Variants in DZIP1L observed in about 807,000 individuals in gnomAD.
DZIP1L encodes the protein cilium assembly protein DZIP1L.
A neutral mutation model predicts 88.7 loss-of-function variants in DZIP1L; 90 were observed. That is an observed-to-expected ratio of 1.02 (90% CI 0.86 to 1.21). The LOEUF (loss-of-function observed/expected upper bound fraction) is 1.21. Ranked by LOEUF, DZIP1L falls within the 50% of genes most tolerant of loss-of-function variation. The probability of loss-of-function intolerance (pLI) is 0.00; values close to 1 mark genes in which losing one functional copy is unlikely to be tolerated. For synonymous variants in DZIP1L, 363 were observed against 372.1 expected, an observed-to-expected ratio of 0.98 and a Z score of 0.28; for missense variants, 932 against 955.8, an observed-to-expected ratio of 0.98 and a Z score of 0.33.
Position 138,063,007 on chromosome 3 carries a change from C to G in DZIP1L, c.2143-30G>C. 3.7e-6 allele frequency: 6 copies of G among 1,609,990 alleles called. No individual in the cohort carries two copies. The highest frequency in any genetic ancestry group is 5.1e-6 in the Non-Finnish European group (6 of 1,178,762). ...AGGGGGTAAAGGGGAGAAGAAAATG[C>G]ATTTTGATAAGGGAGGAGGGTGGCT... On this transcript the variant is annotated intron_variant, in intron 15 of 15. Transcript: ENST00000327532. The surrounding 1 kb of genome is among the most constrained non-coding windows in gnomAD (Gnocchi z 4.1).
chr3:138,069,292 A>C, intron 12 of DZIP1L: 1 of 460,384 alleles, frequency 2.2e-6, no homozygotes. Flanking sequence ...AGCTTACTTT[A>C]TTGTAATAAT....
intron 1 of DZIP1L, among the ~76,000 whole-genome samples, chr3:138,112,803 T>A (rs2042639157): frequency 6.6e-6 from 1 of 152,064 alleles, no homozygotes; most frequent in Non-Finnish European, 1.5e-5. Context: ...AAAAATTAGC[T>A]GGGCGTGGTG....
Position 138,068,192 on chromosome 3 carries a change from A to G in DZIP1L, c.1791T>C (p.His597=). ...AGGAAGGAGGGGTGCTGGAGGGTCC[A>G]TGCAGTCCGGGGCGTGGAGCGGGGG... ...VSAPAPRPGL[H]GPSSTPPSSG... Residue 597 remains histidine (H), a synonymous_variant, in exon 13 of 16, where the codon CAT becomes CAC. Transcript: ENST00000327532. The G allele has an allele frequency of 6.3e-7, 1 of 1,576,652 alleles. No individual in the cohort carries two copies. The highest frequency in any genetic ancestry group is 1.8e-5 in the Admixed American group (1 of 55,674).
Position 138,094,927 on chromosome 3 carries a change from T to C in DZIP1L, c.643A>G (p.Lys215Glu). The C allele has an allele frequency of 1.2e-6, 2 of 1,614,260 alleles. No individual in the cohort carries two copies. Among genetic ancestry groups the C allele is most frequent in the Non-Finnish European group, 1.7e-6 (2 of 1,180,054 alleles). The change falls in exon 4 of 16, where the codon AAG (lysine) becomes GAG (glutamate). Residue 215 changes from lysine to glutamate, a missense_variant. Coordinates refer to ENST00000327532, the MANE Select transcript of DZIP1L (RefSeq NM_173543.3). ...VEEVLEELRA[K>E]LKWTQGELEA... Reference sequence around the variant, plus strand: ...AGCTCCCCTTGGGTCCACTTTAGCTTGGCCCGTAGCTCTTCTAACACCTCT... The same window carrying C: ...AGCTCCCCTTGGGTCCACTTTAGCTCGGCCCGTAGCTCTTCTAACACCTCT...
chr3:138,063,347 G>A lies in DZIP1L; in HGVS notation c.2143-370C>T, dbSNP rs537741829. 2.6e-5 allele frequency among the ~76,000 whole-genome samples: 4 copies of A among 152,270 alleles called. No homozygotes were observed. The highest frequency in any genetic ancestry group is 4.2e-4 in the South Asian group (2 of 4,812). ...AGAAACTCGACTGTTCCAAGTTCGCGAGCTGAATGCACTGTGGGCTAATGA... is the reference window on the plus strand; with the variant it reads ...AGAAACTCGACTGTTCCAAGTTCGCAAGCTGAATGCACTGTGGGCTAATGA... On this transcript the variant is annotated intron_variant, in intron 15 of 15. Transcript: ENST00000327532. The surrounding 1 kb of genome is among the most constrained non-coding windows in gnomAD (Gnocchi z 4.1).
Position 138,097,780 on chromosome 3 carries a change from G to A in DZIP1L, c.569C>T (p.Ala190Val), listed in dbSNP as rs566510192. Residue 190 changes from alanine (A) to valine (V), a missense_variant, in exon 3 of 16, where the codon GCA becomes GTA. Ala to Val is a moderately conservative substitution (Grantham distance 64). Coordinates refer to ENST00000327532, the MANE Select transcript of DZIP1L (RefSeq NM_173543.3). ...GGACTCACCACCTTCTGCCACGCCT[G>A]CATGCCTGCGCTGGATGTGGCCCCG... Reference protein sequence around the residue: ...FLRGHIQRRHAGVAEGGKQKK... With the variant: ...FLRGHIQRRHVGVAEGGKQKK... The A allele has an allele frequency of 2.5e-5, 41 of 1,612,128 alleles. No homozygotes were observed. The highest frequency in any genetic ancestry group is 3.4e-5 in the Non-Finnish European group (40 of 1,179,272).
chr3:138,099,522 A>G (rs1163931668), intron 2 of DZIP1L, among the ~76,000 whole-genome samples: 1 of 152,176 alleles, frequency 6.6e-6, no homozygotes, highest in Non-Finnish European at 1.5e-5. Flanking sequence ...GAGTAATAAG[A>G]GTGTCTACTA....
At chr3:138,095,487 T>G (rs1944427668) in intron 3 of DZIP1L, among the ~76,000 whole-genome samples, 1 of 152,102 alleles carries the variant, frequency 6.6e-6, no homozygotes, top group Non-Finnish European at 1.5e-5. Flanking sequence ...AAGTGTATAG[T>G]TGTAAATTTC....
intron 1 of DZIP1L, among the ~76,000 whole-genome samples, chr3:138,114,738 G>A (rs2042665535): frequency 6.6e-6 from 1 of 152,036 alleles, no homozygotes; most frequent in South Asian, 2.1e-4. Context: ...AGGCAGCCTC[G>A]GACCCCCTCC....
chr3:138,110,280 A>G (rs1467993608), intron 1 of DZIP1L, among the ~76,000 whole-genome samples: 1 of 152,072 alleles, frequency 6.6e-6, no homozygotes, highest in Non-Finnish European at 1.5e-5. Flanking sequence ...GAAGGGGAAC[A>G]TCACACACCA....
chr3:138,086,624 C>T (rs1025953251), intron 7 of DZIP1L, among the ~76,000 whole-genome samples: 3 of 152,168 alleles, frequency 2.0e-5, no homozygotes, highest in African/African-American at 7.2e-5. Flanking sequence ...AGAGCCCAAA[C>T]GTGAAACGAC....
intron 7 of DZIP1L, among the ~76,000 whole-genome samples, chr3:138,084,917 G>C (rs1943851220): frequency 3.3e-5 from 5 of 152,186 alleles, no homozygotes; most frequent in Admixed American, 3.3e-4. Context: ...TCTCAGGTTT[G>C]TCAAAGATCA....
At chr3:138,073,045 C>G (rs899091436) in intron 11 of DZIP1L, among the ~76,000 whole-genome samples, 1 of 152,138 alleles carries the variant, frequency 6.6e-6, no homozygotes, top group African/African-American at 2.4e-5. Context: ...AGCTCAGACA[C>G]GTCTATCCCT....
In DZIP1L at chr3:138,101,960, A is replaced by G; in HGVS notation, c.501+1511T>C. ...TCTGGCCTTTGAGGCCCTCAATCTCAGCCTGGAGCCGGCTGATGTTCTGGT... is the reference window on the plus strand; with the variant it reads ...TCTGGCCTTTGAGGCCCTCAATCTCGGCCTGGAGCCGGCTGATGTTCTGGT... On this transcript the variant is annotated intron_variant, in intron 2 of 15. Transcript: ENST00000327532. The G allele has an allele frequency of 2.6e-6, 4 of 1,537,932 alleles. No homozygotes were observed. In the South Asian group the frequency reaches 3.4e-5, roughly 13 times the overall value.
chr3:138,083,521 G>C (rs937307997), intron 8 of DZIP1L, among the ~76,000 whole-genome samples: 1 of 152,196 alleles, frequency 6.6e-6, no homozygotes, highest in African/African-American at 2.4e-5. Context: ...AGTCACAGGG[G>C]CCAGCTTTAG....
At chr3:138,108,682 G>A (rs978666388) in intron 1 of DZIP1L, among the ~76,000 whole-genome samples, 3 of 151,976 alleles carry the variant, frequency 2.0e-5, no homozygotes, top group Non-Finnish European at 4.4e-5. Flanking sequence ...CTAGCCCCTC[G>A]GTCTCTTGTG....
chr3:138,102,610 G>A, intron 2 of DZIP1L: 3 of 1,471,554 alleles, frequency 2.0e-6, no homozygotes, highest in Admixed American at 1.7e-5. Context: ...TATGAAGGAG[G>A]CAAACTTGTT....
At chr3:138,087,083 G>T in intron 6 of DZIP1L, 60 bp from the exon 7 acceptor site, 2 of 1,541,386 alleles carry the variant, frequency 1.3e-6, no homozygotes, top group South Asian at 1.1e-5. Flanking sequence ...ATGTTATAAA[G>T]CTACAGGAAG....
intron 1 of DZIP1L, among the ~76,000 whole-genome samples, chr3:138,109,631 A>G (rs1238538733): frequency 1.3e-5 from 2 of 152,220 alleles, no homozygotes; most frequent in Non-Finnish European, 2.9e-5. Context: ...AGGATTATAA[A>G]TCATTCTACT....
Sources: gnomAD v4.1 joint callset for allele counts (sites outside exome capture counted in the v4.1 genomes callset) on GRCh38, gnomAD v4.1.1 for gene constraint, Gnocchi (gnomAD v3.1) non-coding constraint, MANE v1.5 for transcripts, NCBI Gene and HGNC (gene_info 2026-07-23, HGNC 2026-07-21) for gene names.